Variants in SKAP1 observed in about 807,000 individuals in gnomAD.
The protein encoded by SKAP1 is src kinase associated phosphoprotein 1.
SKAP1 carries 44 observed loss-of-function variants against 58.5 expected under a neutral mutation model. That is an observed-to-expected ratio of 0.75 (90% CI 0.59 to 0.97). The LOEUF (loss-of-function observed/expected upper bound fraction) is 0.97, where lower values mean the gene tolerates loss of function less well. Among genes scored for constraint, SKAP1 ranks in the 50% least tolerant of loss-of-function variants. SKAP1 has a pLI of 0.00. For synonymous variants in SKAP1, 127 were observed against 149.7 expected, an observed-to-expected ratio of 0.85 and a Z score of 1.11; for missense variants, 390 against 435.2, an observed-to-expected ratio of 0.90 and a Z score of 0.92.
intron 10 of SKAP1, among the ~76,000 whole-genome samples, chr17:48,168,699 A>G (rs1276081171): frequency 2.6e-5 from 4 of 152,082 alleles, no homozygotes; most frequent in Non-Finnish European, 4.4e-5. Flanking sequence ...CCTGAGAAAA[A>G]CTAAGTAGCC....
intron 4 of SKAP1, among the ~76,000 whole-genome samples, chr17:48,306,725 A>G (rs1219592036): frequency 6.6e-6 from 1 of 152,234 alleles, no homozygotes; most frequent in Non-Finnish European, 1.5e-5. Context: ...TTTAGAATGA[A>G]TCAATAACAC....
At chr17:48,394,042 C>T (rs2067383820) in intron 2 of SKAP1, among the ~76,000 whole-genome samples, 1 of 152,056 alleles carries the variant, frequency 6.6e-6, no homozygotes, top group Non-Finnish European at 1.5e-5. Flanking sequence ...TCCAGACCAG[C>T]CTGGGCAACA....
chr17:48,332,708 C>A (rs2066521333), intron 4 of SKAP1, among the ~76,000 whole-genome samples: 2 of 152,004 alleles, frequency 1.3e-5, no homozygotes, highest in Admixed American at 1.3e-4. Context: ...TTCATGGAGA[C>A]ATTTATGAGC....
At chr17:48,272,618 C>T (rs113406753) in intron 4 of SKAP1, among the ~76,000 whole-genome samples, 5 of 152,048 alleles carry the variant, frequency 3.3e-5, no homozygotes, top group Non-Finnish European at 7.4e-5. Context: ...TGCAGCAGTG[C>T]GATCTCAGCT....
intron 12 of SKAP1, among the ~76,000 whole-genome samples, chr17:48,135,023 G>C (rs1320010268): frequency 6.6e-6 from 1 of 152,120 alleles, no homozygotes; most frequent in African/African-American, 2.4e-5. Context: ...GTTTAGATTT[G>C]ACAGAAAAAT....
intron 4 of SKAP1, among the ~76,000 whole-genome samples, chr17:48,284,270 A>C (rs2065803106): frequency 6.6e-6 from 1 of 152,258 alleles, no homozygotes; most frequent in Non-Finnish European, 1.5e-5. Flanking sequence ...AAGATAAGAA[A>C]TAATTTCTGG....
intron 2 of SKAP1, among the ~76,000 whole-genome samples, chr17:48,383,334 T>G (rs570100851): frequency 6.6e-6 from 1 of 151,966 alleles, no homozygotes; most frequent in African/African-American, 2.4e-5. Context: ...AATGAAGGAT[T>G]CATCCTGTGT....
At chr17:48,398,292 T>C (rs1250929008) in intron 1 of SKAP1, among the ~76,000 whole-genome samples, 1 of 152,036 alleles carries the variant, frequency 6.6e-6, no homozygotes, top group African/African-American at 2.4e-5. Flanking sequence ...TATTGTGAAC[T>C]GTGTATGTGA....
chr17:48,241,706 AC>A (rs1224447409), intron 4 of SKAP1, among the ~76,000 whole-genome samples: 1 of 152,224 alleles, frequency 6.6e-6, no homozygotes, highest in Non-Finnish European at 1.5e-5. Context: ...CATTCTTTTC[AC>A]TATAAAACAT....
At chr17:48,402,534 C>T (rs561852363) in intron 1 of SKAP1, among the ~76,000 whole-genome samples, 6 of 152,138 alleles carry the variant, frequency 3.9e-5, no homozygotes, top group African/African-American at 9.6e-5. Flanking sequence ...TTCATCACTT[C>T]GCCCAGGCTG....
At chr17:48,141,535 C>T (rs2063767850) in intron 11 of SKAP1, among the ~76,000 whole-genome samples, 1 of 151,890 alleles carries the variant, frequency 6.6e-6, no homozygotes, top group Non-Finnish European at 1.5e-5. Flanking sequence ...TGCCACCACA[C>T]CTCGCTGATT....
chr17:48,142,981 C>CTTTT (rs776705662), intron 11 of SKAP1, among the ~76,000 whole-genome samples: 1 of 133,000 alleles, frequency 7.5e-6, no homozygotes, highest in Non-Finnish European at 1.6e-5. Context: ...AAAAAAAAAA[C>CTTTT]TTTTTTTTTT....
intron 4 of SKAP1, among the ~76,000 whole-genome samples, chr17:48,208,038 TGTTA>T (rs994015926): frequency 1.5e-4 from 23 of 152,212 alleles, no homozygotes; most frequent in African/African-American, 5.3e-4. Context: ...CTTGCATTTA[TGTTA>T]AAGGTTTCAC....
intron 4 of SKAP1, among the ~76,000 whole-genome samples, 173 bp from the exon 5 acceptor site, chr17:48,189,673 T>A (rs1346381504): frequency 6.6e-6 from 1 of 151,880 alleles, no homozygotes; most frequent in African/African-American, 2.4e-5. Context: ...TTTTCTTGCT[T>A]TTTCTTTTTT....
At chr17:48,355,794 C>G (rs1179755685) in intron 3 of SKAP1, among the ~76,000 whole-genome samples, 3 of 151,442 alleles carry the variant, frequency 2.0e-5, no homozygotes, top group Admixed American at 2.0e-4. Flanking sequence ...CCACTGCACT[C>G]CAGCCTGGGT....
chr17:48,429,118 C>G (rs561418544), intron 1 of SKAP1, among the ~76,000 whole-genome samples: 1 of 152,176 alleles, frequency 6.6e-6, no homozygotes, highest in Non-Finnish European at 1.5e-5. Context: ...CTGCCCAAAG[C>G]AGGCCGTCTG....
chr17:48,342,002 A>T (rs2066659521), intron 4 of SKAP1, among the ~76,000 whole-genome samples: 1 of 152,214 alleles, frequency 6.6e-6, no homozygotes. Flanking sequence ...TCCACTTTAA[A>T]AAATAATGTA....
At chr17:48,237,477 T>C (rs2065194209) in intron 4 of SKAP1, among the ~76,000 whole-genome samples, 1 of 152,214 alleles carries the variant, frequency 6.6e-6, no homozygotes, top group Admixed American at 6.5e-5. Flanking sequence ...TATGCTGCCT[T>C]ACTAAAGATT....
intron 10 of SKAP1, among the ~76,000 whole-genome samples, chr17:48,166,170 G>GAGA (rs1418212161): frequency 6.6e-6 from 1 of 152,154 alleles, no homozygotes; most frequent in Non-Finnish European, 1.5e-5. Context: ...TAGCAGAGCT[G>GAGA]AGAAGGGCTT....
Sources: gnomAD v4.1 joint callset for allele counts (sites outside exome capture counted in the v4.1 genomes callset) on GRCh38, gnomAD v4.1.1 for gene constraint, MANE v1.5 for transcripts, NCBI Gene and HGNC (gene_info 2026-07-23, HGNC 2026-07-21) for gene names.